ARID4B: variants seen among roughly 807,000 people sequenced by gnomAD.
The protein encoded by ARID4B is AT-rich interaction domain 4B.
Under a neutral mutation model 147.5 loss-of-function variants are expected in ARID4B, and 26 were observed. The ratio of observed to expected loss-of-function variants is 0.18; its 90% confidence interval spans 0.13 to 0.24. The LOEUF (loss-of-function observed/expected upper bound fraction) is 0.24. Among genes scored for constraint, ARID4B ranks in the 10% least tolerant of loss-of-function variants. The pLI is 1.00. For synonymous variants in ARID4B, 512 were observed against 507.9 expected (o/e 1.01, Z -0.11); for missense variants, 1,179 against 1,511.5 (o/e 0.78, Z 3.65).
intron 11 of ARID4B, among the ~76,000 whole-genome samples, chr1:235,227,235 T>C (rs1195407772): frequency 2.0e-5 from 3 of 151,828 alleles, no homozygotes; most frequent in Non-Finnish European, 4.4e-5. Context: ...GAAAGGGAAA[T>C]GATGAGAAAA....
chr1:235,217,307 C>G (rs577191602), intron 16 of ARID4B, among the ~76,000 whole-genome samples: 9 of 152,146 alleles, frequency 5.9e-5, no homozygotes, highest in East Asian at 5.8e-4. Flanking sequence ...ATGTGCTAAA[C>G]CAGATGGAAC....
At chr1:235,282,660 A>C (rs1472827556) in intron 2 of ARID4B, among the ~76,000 whole-genome samples, 2 of 152,260 alleles carry the variant, frequency 1.3e-5, no homozygotes, top group African/African-American at 4.8e-5. Flanking sequence ...AAAAAGTTTA[A>C]GAACTCCTAT....
chr1:235,205,635 G>A (rs1036925428), intron 17 of ARID4B, among the ~76,000 whole-genome samples: 5 of 152,140 alleles, frequency 3.3e-5, no homozygotes, highest in South Asian at 2.1e-4. Flanking sequence ...TATCTGATAA[G>A]GGAATAACAT....
intron 1 of ARID4B, 121 bp from the exon 2 acceptor site, chr1:235,327,089 G>A: frequency 2.9e-6 from 2 of 687,518 alleles, no homozygotes; most frequent in Non-Finnish European, 5.0e-6. Flanking sequence ...CCAGGCGCCA[G>A]CCCCCGAACC....
intron 2 of ARID4B, 157 bp downstream of exon 2, chr1:235,326,757 A>G (rs1451016386): frequency 2.3e-6 from 2 of 864,568 alleles, no homozygotes; most frequent in Non-Finnish European, 3.8e-6. Flanking sequence ...AAAGCCCGCC[A>G]GCTGACCCCG....
At chr1:235,306,859 T>C (rs926632756) in intron 2 of ARID4B, among the ~76,000 whole-genome samples, 1 of 152,148 alleles carries the variant, frequency 6.6e-6, no homozygotes, top group African/African-American at 2.4e-5. Context: ...GGTTTCGCGA[T>C]GTTGGCCGGG....
At chr1:235,317,724 T>C (rs148907164) in intron 2 of ARID4B, among the ~76,000 whole-genome samples, 4 of 152,334 alleles carry the variant, frequency 2.6e-5, no homozygotes, top group African/African-American at 9.6e-5. Flanking sequence ...CAGAGTTTCC[T>C]GTACTCCTAA....
chr1:235,193,830 T>C (rs1164894281), intron 19 of ARID4B, among the ~76,000 whole-genome samples, 183 bp downstream of exon 19: 1 of 152,182 alleles, frequency 6.6e-6, no homozygotes, highest in Non-Finnish European at 1.5e-5. Flanking sequence ...AAAAAAAATC[T>C]GAAATCCAAA....
At chr1:235,239,767 T>C (rs1668866624) in intron 8 of ARID4B, among the ~76,000 whole-genome samples, 1 of 152,028 alleles carries the variant, frequency 6.6e-6, no homozygotes, top group Non-Finnish European at 1.5e-5. Context: ...AAATGCAAAA[T>C]ATTCAACCTG....
chr1:235,172,540 T>C (rs184162523), intron 23 of ARID4B, 78 bp downstream of exon 23: 1 of 1,049,812 alleles, frequency 9.5e-7, no homozygotes, highest in Admixed American at 3.4e-5. Flanking sequence ...ATTGCGCCAT[T>C]GCACTCCAGC....
intron 17 of ARID4B, among the ~76,000 whole-genome samples, chr1:235,196,853 C>CA (rs34581094): frequency 0.35 from 31,263 of 88,708 alleles, 5,486 homozygotes; most frequent in South Asian, 0.55. Context: ...CTCTGTTTCA[C>CA]AAAAAAAAAA....
Position 235,182,666 on chromosome 1 carries a change from C to A in ARID4B, c.2253G>T (p.Lys751Asn). The change falls in exon 20 of 24, where the codon AAG becomes AAT. Residue 751 changes from lysine (K) to asparagine (N), a missense_variant. Physicochemically the swap from Lys to Asn is moderately conservative, Grantham distance 94 (BLOSUM62 0). Transcript: ENST00000264183. ...LTNNRNDLIS[K>N]EEQNSSSLLE... ...GCAAAGATGAACTGTTCTGTTCCTC[C>A]TTTGAAATAAGATCATTTCTGTTGT... 2 of 1,613,782 alleles carry A rather than the reference C, an allele frequency of 1.2e-6. No individual in the cohort carries two copies. Among genetic ancestry groups the A allele is most frequent in the Non-Finnish European group, 1.7e-6 (2 of 1,179,994 alleles).
chr1:235,173,757 AAAAAAAAAAAAAAAAT>A (rs1194601290), intron 22 of ARID4B, among the ~76,000 whole-genome samples: 2 of 48,598 alleles, frequency 4.1e-5, no homozygotes, highest in African/African-American at 2.4e-4. Context: ...AAAAAAAAAA[AAAAAAAAAAAAAAAAT>A]ATATATATAT....
intron 8 of ARID4B, among the ~76,000 whole-genome samples, chr1:235,234,993 G>A (rs1019724783): frequency 3.9e-5 from 6 of 152,152 alleles, no homozygotes; most frequent in African/African-American, 7.2e-5. Flanking sequence ...AATGGACCAC[G>A]CAGAGGCAAC....
At chr1:235,207,476 A>G (rs1289265930) in intron 17 of ARID4B, among the ~76,000 whole-genome samples, 1 of 152,196 alleles carries the variant, frequency 6.6e-6, no homozygotes, top group Admixed American at 6.5e-5. Flanking sequence ...AAAGGAGAGA[A>G]AAAGAACAGC....
chr1:235,193,080 C>CA (rs1340073760), intron 19 of ARID4B, among the ~76,000 whole-genome samples: 2 of 141,622 alleles, frequency 1.4e-5, no homozygotes, highest in African/African-American at 5.5e-5. Flanking sequence ...GGTGACAGAG[C>CA]GAGACTCCGT....
intron 22 of ARID4B, 101 bp from the exon 23 acceptor site, chr1:235,172,865 G>T: frequency 2.0e-6 from 2 of 984,916 alleles, no homozygotes; most frequent in Non-Finnish European, 2.8e-6. Context: ...GGTTGAGGCA[G>T]ATGAACTAAA....
chr1:235,233,857 G>T (rs895246153), intron 9 of ARID4B, among the ~76,000 whole-genome samples: 2 of 152,144 alleles, frequency 1.3e-5, no homozygotes, highest in Non-Finnish European at 2.9e-5. Context: ...GAGGCGGGCA[G>T]ATCACGAGAT....
chr1:235,297,615 T>C (rs1672834431), intron 2 of ARID4B, among the ~76,000 whole-genome samples: 2 of 152,210 alleles, frequency 1.3e-5, no homozygotes, highest in East Asian at 1.9e-4. Flanking sequence ...GCCAACATAA[T>C]CTAAAACCAC....
Sources: allele counts gnomAD v4.1 joint callset (sites outside exome capture counted in the v4.1 genomes callset), GRCh38; gene constraint gnomAD v4.1.1; transcripts MANE v1.5; gene names NCBI Gene and HGNC (gene_info 2026-07-23, HGNC 2026-07-21).